SORCS1: variants seen among roughly 807,000 people sequenced by gnomAD.
SORCS1 encodes the protein VPS10 domain-containing receptor SorCS1.
In SORCS1, 60 loss-of-function variants were observed where a neutral mutation model predicts 146.1. The ratio of observed to expected loss-of-function variants is 0.41; its 90% CI spans 0.33 to 0.51. The LOEUF (loss-of-function observed/expected upper bound fraction) is 0.51, where lower values mean the gene tolerates loss of function less well. SORCS1 is among the 20% of genes least tolerant of loss of function. SORCS1 has a pLI of 0.21. For missense variants in SORCS1, 1,352 were observed against 1,487.6 expected (o/e 0.91, Z 1.50); for synonymous variants, 637 against 584.0 (o/e 1.09, Z -1.31).
At chr10:106,755,584 TTGTG>T (rs57442916) in intron 5 of SORCS1, among the ~76,000 whole-genome samples, 2 of 149,826 alleles carry the variant, frequency 1.3e-5, no homozygotes, top group Non-Finnish European at 3.0e-5. Context: ...AACATAATCT[TTGTG>T]TGTGTGTGTG....
intron 1 of SORCS1, among the ~76,000 whole-genome samples, chr10:107,053,379 C>G (rs1272374270): frequency 6.6e-6 from 1 of 151,976 alleles, no homozygotes; most frequent in South Asian, 2.1e-4. Flanking sequence ...ATATTTAGTT[C>G]AAGAACAAAA....
chr10:107,138,998 T>C (rs1037306973), intron 1 of SORCS1, among the ~76,000 whole-genome samples: 1 of 152,194 alleles, frequency 6.6e-6, no homozygotes, highest in Non-Finnish European at 1.5e-5. Flanking sequence ...ATTCCTCTGG[T>C]GCCAACCAAA....
chr10:106,648,963 C>T (rs1452595123), intron 18 of SORCS1, among the ~76,000 whole-genome samples: 1 of 152,076 alleles, frequency 6.6e-6, no homozygotes, highest in Non-Finnish European at 1.5e-5. Context: ...AGCAGGCCAC[C>T]GACCAGGAGA....
At chr10:107,132,142 T>C (rs1966902724) in intron 1 of SORCS1, among the ~76,000 whole-genome samples, 1 of 152,060 alleles carries the variant, frequency 6.6e-6, no homozygotes, top group Non-Finnish European at 1.5e-5. Context: ...TCACCCTCTC[T>C]CCCTTTCCCC....
intron 1 of SORCS1, among the ~76,000 whole-genome samples, chr10:107,141,033 G>C (rs1431113187): frequency 6.6e-6 from 1 of 152,164 alleles, no homozygotes; most frequent in African/African-American, 2.4e-5. Flanking sequence ...AGCATATTTA[G>C]TTCAGTCTCT....
rs756324806 is a variant in SORCS1 at position 106,809,672 on chromosome 10, C to CTA, written c.726+19900_726+19901dup. ...TACAGCCTTCACAGACTCCCCTTCACTATATATATATATAAAAAATCTCCA... is the reference window on the plus strand; with the variant it reads ...TACAGCCTTCACAGACTCCCCTTCACTATATATATATATATAAAAAATCTCCA... On this transcript the variant is annotated intron_variant, in intron 3 of 25. Coordinates refer to ENST00000263054, the MANE Select transcript of SORCS1 (RefSeq NM_052918.5). Among the ~76,000 whole-genome samples the CTA allele has an allele frequency of 1.1e-3, 174 of 151,614 alleles. 1 individual carries two copies. Among genetic ancestry groups the CTA allele is most frequent in the African/African-American group, 2.7e-3 (112 of 41,358 alleles).
At chr10:106,641,431 G>A (rs1849062720) in intron 18 of SORCS1, among the ~76,000 whole-genome samples, 1 of 152,082 alleles carries the variant, frequency 6.6e-6, no homozygotes. Context: ...GCTCCTCTTT[G>A]CTACGGTTTT....
intron 2 of SORCS1, among the ~76,000 whole-genome samples, chr10:106,928,209 G>A (rs1394296400): frequency 2.0e-5 from 3 of 152,232 alleles, no homozygotes; most frequent in Non-Finnish European, 2.9e-5. Context: ...AAGGCGGGGA[G>A]GCTCAGGCAT....
At chr10:106,738,686 G>C (rs530681669) in intron 5 of SORCS1, among the ~76,000 whole-genome samples, 1 of 152,282 alleles carries the variant, frequency 6.6e-6, no homozygotes, top group South Asian at 2.1e-4. Flanking sequence ...CTAGAGGGTA[G>C]AACAAATATA....
intron 1 of SORCS1, among the ~76,000 whole-genome samples, chr10:107,055,044 CA>C (rs1254373635): frequency 2.0e-5 from 3 of 152,182 alleles, no homozygotes; most frequent in Non-Finnish European, 4.4e-5. Flanking sequence ...TGCTGAGGAC[CA>C]GGGGGAGCTG....
In SORCS1 at chr10:106,648,653, T is replaced by C. The variant is rs1253889784; in HGVS notation, c.2475+3729A>G. On this transcript the variant is annotated intron_variant, in intron 18 of 25. Coordinates refer to ENST00000263054, the MANE Select transcript of SORCS1 (RefSeq NM_052918.5). ...GCATTTCTTTTTATAGACATTGGTT[T>C]ACATGACAGATATTGCTATGGAAGG... is the stretch of plus-strand genomic sequence containing the variant. Among the ~76,000 whole-genome samples the C allele has an allele frequency of 2.0e-5, 3 of 152,138 alleles. No homozygotes were observed. In the East Asian group the frequency reaches 5.8e-4, roughly 29 times the overall value.
At chr10:106,706,236 T>C (rs546638132) in intron 8 of SORCS1, among the ~76,000 whole-genome samples, 30 of 113,930 alleles carry the variant, frequency 2.6e-4, no homozygotes, top group South Asian at 2.4e-3. Flanking sequence ...AAAGAGAAAG[T>C]AAGATGAAAG....
chr10:107,157,964 TA>T (rs1387963347), intron 1 of SORCS1, among the ~76,000 whole-genome samples: 1 of 152,194 alleles, frequency 6.6e-6, no homozygotes, highest in Non-Finnish European at 1.5e-5. Flanking sequence ...GGACAGTAAT[TA>T]AGACATACAC....
chr10:106,929,914 G>C (rs1005545401), intron 2 of SORCS1, among the ~76,000 whole-genome samples: 7 of 152,198 alleles, frequency 4.6e-5, no homozygotes, highest in Non-Finnish European at 2.9e-5. Flanking sequence ...ATGAATGCTT[G>C]CTAACAGAGA....
At chr10:106,870,155 A>G (rs76521308) in intron 2 of SORCS1, among the ~76,000 whole-genome samples, 4,739 of 152,254 alleles carry the variant, frequency 0.031, 228 homozygotes, top group African/African-American at 0.11. Flanking sequence ...ATATTTCTAG[A>G]ATGAAAATTA....
At chr10:107,094,130 G>GTA (rs1417887462) in intron 1 of SORCS1, among the ~76,000 whole-genome samples, 4 of 151,990 alleles carry the variant, frequency 2.6e-5, no homozygotes, top group African/African-American at 9.7e-5. Flanking sequence ...TTTCACTAAT[G>GTA]TATATATTTT....
intron 9 of SORCS1, among the ~76,000 whole-genome samples, chr10:106,697,681 G>T (rs1038629942): frequency 1.3e-5 from 2 of 152,048 alleles, no homozygotes; most frequent in African/African-American, 4.8e-5. Flanking sequence ...TGCTTTGAAA[G>T]GATTAACTCA....
At chr10:106,769,787 T>G (rs572189776) in intron 4 of SORCS1, among the ~76,000 whole-genome samples, 1 of 152,308 alleles carries the variant, frequency 6.6e-6, no homozygotes, top group African/African-American at 2.4e-5. Flanking sequence ...CTGAAGAGAA[T>G]GCCAGCTGTT....
intron 2 of SORCS1, among the ~76,000 whole-genome samples, chr10:106,873,116 A>G (rs1447140533): frequency 2.6e-5 from 4 of 151,642 alleles, no homozygotes; most frequent in Admixed American, 6.6e-5. Flanking sequence ...AGAGGTTGCA[A>G]TGAGCCGAGA....
Sources: gnomAD v4.1 joint callset for allele counts (sites outside exome capture counted in the v4.1 genomes callset) on GRCh38, gnomAD v4.1.1 for gene constraint, MANE v1.5 for transcripts, NCBI Gene and HGNC (gene_info 2026-07-23, HGNC 2026-07-21) for gene names.